Variants in SGTB observed in about 807,000 individuals in gnomAD.
SGTB encodes small glutamine rich tetratricopeptide repeat co-chaperone beta.
A neutral mutation model predicts 43.9 loss-of-function variants in SGTB; 19 were observed. The observed-to-expected ratio is 0.43, with a 90% CI of 0.30 to 0.63. The LOEUF (loss-of-function observed/expected upper bound fraction) is 0.63. Ranked by LOEUF, SGTB falls within the 30% of genes least tolerant of loss-of-function variation. The pLI is 0.12. For synonymous variants in SGTB, 116 were observed against 117.3 expected, an observed-to-expected ratio of 0.99 and a Z score of 0.07; for missense variants, 304 against 358.9, an observed-to-expected ratio of 0.85 and a Z score of 1.24.
chr5:65,722,179 G>T, upstream of SGTB: 1 of 266,062 alleles, frequency 3.8e-6, no homozygotes. Flanking sequence ...GAGCTGGGGC[G>T]GGGCACGGCG....
At chr5:65,700,830 T>A (rs138671974) in intron 5 of SGTB, among the ~76,000 whole-genome samples, 32 of 151,178 alleles carry the variant, frequency 2.1e-4, no homozygotes, top group African/African-American at 7.8e-4. Context: ...CCCAAGATGG[T>A]GAAACCCCAT....
At position 65,676,519 on chromosome 5, in the gene SGTB, C is replaced by T. The variant is rs151034863; in HGVS notation, c.681+3975G>A. ...TTAACACTCTGCTGACAATAGTAGACAGATCATCAAGACAGAAAACTAACA... is the reference window on the plus strand; with the variant it reads ...TTAACACTCTGCTGACAATAGTAGATAGATCATCAAGACAGAAAACTAACA... On this transcript the variant is annotated intron_variant, in intron 8 of 10. Transcript: ENST00000381007. 4.6e-5 allele frequency among the ~76,000 whole-genome samples: 7 copies of T among 152,240 alleles called. No homozygotes were observed. The East Asian group carries it at 1.3e-3, about 29-fold the overall frequency.
chr5:65,671,076 AATT>A (rs1757144990), intron 10 of SGTB, among the ~76,000 whole-genome samples: 2 of 152,210 alleles, frequency 1.3e-5, no homozygotes, highest in African/African-American at 4.8e-5. Context: ...AAATTTCCTG[AATT>A]GCCTGAACAT....
rs1286612496 is a variant in SGTB at position 65,671,964 on chromosome 5, G to A, written c.754C>T (p.Pro252Ser). Residue 252 changes from proline to serine, a missense_variant, in exon 10 of 11, where the codon CCT (proline) becomes TCT (serine). Pro to Ser is a moderately conservative substitution (Grantham distance 74). Transcript: ENST00000381007. ...GTTAGGCCCCCAACTCCAGCAGCAG[G>A]TCCCCCAATGGCATTTGTCATCATT... ...SGMMTNAIGG[P>S]AAGVGGLTDL... The A allele has an allele frequency of 1.2e-6, 2 of 1,613,856 alleles. No homozygotes were observed. Among genetic ancestry groups the A allele is most frequent in the South Asian group, 2.2e-5 (2 of 91,070 alleles).
chr5:65,689,192 C>T (rs1281040947), intron 5 of SGTB, among the ~76,000 whole-genome samples: 1 of 152,210 alleles, frequency 6.6e-6, no homozygotes, highest in East Asian at 1.9e-4. Context: ...AGTCATTCTA[C>T]AGGTACACAT....
At chr5:65,711,097 A>G (rs1367111438) in intron 3 of SGTB, among the ~76,000 whole-genome samples, 1 of 152,038 alleles carries the variant, frequency 6.6e-6, no homozygotes, top group Non-Finnish European at 1.5e-5. Context: ...CCCAGGAGGC[A>G]GAGGCTACAG....
intron 3 of SGTB, among the ~76,000 whole-genome samples, chr5:65,711,710 A>T (rs1758049737): frequency 6.6e-6 from 1 of 152,226 alleles, no homozygotes; most frequent in African/African-American, 2.4e-5. Context: ...CCCAAGTGTA[A>T]TAAAAGGGGA....
intron 10 of SGTB, among the ~76,000 whole-genome samples, 182 bp from the exon 11 acceptor site, chr5:65,670,539 G>A (rs960845415): frequency 6.6e-6 from 1 of 152,094 alleles, no homozygotes; most frequent in Non-Finnish European, 1.5e-5. Flanking sequence ...TTATTACAAT[G>A]CAGTGTTCTT....
At chr5:65,704,041 A>AT (rs1757875574) in intron 5 of SGTB, among the ~76,000 whole-genome samples, 1 of 72,978 alleles carries the variant, frequency 1.4e-5, no homozygotes, top group Non-Finnish European at 3.0e-5. Context: ...GTCTCAAAAA[A>AT]AAAAAAAAAA....
At chr5:65,716,933 C>T (rs1204040990) in intron 2 of SGTB, among the ~76,000 whole-genome samples, 1 of 150,142 alleles carries the variant, frequency 6.7e-6, no homozygotes, top group Non-Finnish European at 1.5e-5. Flanking sequence ...TACACCAGGT[C>T]AGGGAAAAGA....
chr5:65,672,035 T>A, intron 9 of SGTB, 37 bp from the exon 10 acceptor site: 1 of 1,607,934 alleles, frequency 6.2e-7, no homozygotes, highest in Non-Finnish European at 8.5e-7. Context: ...GGGATTGGTA[T>A]ATATTCTTAA....
intron 4 of SGTB, among the ~76,000 whole-genome samples, chr5:65,706,089 G>A (rs887819357): frequency 1.3e-5 from 2 of 151,984 alleles, no homozygotes; most frequent in African/African-American, 4.8e-5. Context: ...ACAACTCTGT[G>A]AATATATGAG....
intron 5 of SGTB, among the ~76,000 whole-genome samples, chr5:65,689,747 GGGA>G (rs1272581014): frequency 6.6e-6 from 1 of 152,114 alleles, no homozygotes; most frequent in Non-Finnish European, 1.5e-5. Flanking sequence ...GGCATGGAGT[GGGA>G]GGAGAAGTCT....
intron 9 of SGTB, 74 bp from the exon 10 acceptor site, chr5:65,672,072 G>A (rs142115572): frequency 3.1e-6 from 5 of 1,589,086 alleles, no homozygotes; most frequent in Non-Finnish European, 4.3e-6. Flanking sequence ...ACGAGGAAAA[G>A]TTAATAAAAT....
intron 4 of SGTB, among the ~76,000 whole-genome samples, chr5:65,706,735 G>T (rs1374071353): frequency 6.6e-6 from 1 of 152,006 alleles, no homozygotes; most frequent in African/African-American, 2.4e-5. Flanking sequence ...GGGAGGCTGA[G>T]GCAGGAAAAT....
At chr5:65,687,810 C>T (rs1353960602) in intron 5 of SGTB, among the ~76,000 whole-genome samples, 2 of 152,260 alleles carry the variant, frequency 1.3e-5, no homozygotes, top group East Asian at 3.9e-4. Context: ...GCTTTGTCGC[C>T]CAGGCTGGAC....
At chr5:65,712,760 AAT>A (rs1758067532) in intron 3 of SGTB, among the ~76,000 whole-genome samples, 199 bp downstream of exon 3, 1 of 152,170 alleles carries the variant, frequency 6.6e-6, no homozygotes, top group African/African-American at 2.4e-5. Flanking sequence ...AGAGGATGAA[AAT>A]AGTTATCAAT....
chr5:65,705,696 TGCTAATAA>T (rs1015520986), intron 4 of SGTB, among the ~76,000 whole-genome samples: 25 of 152,122 alleles, frequency 1.6e-4, no homozygotes, highest in African/African-American at 6.0e-4. Flanking sequence ...AAAGGGTGAC[TGCTAATAA>T]GCACATGGTT....
intron 10 of SGTB, among the ~76,000 whole-genome samples, chr5:65,671,313 A>T (rs2150701339): frequency 6.6e-6 from 1 of 152,214 alleles, no homozygotes; most frequent in Non-Finnish European, 1.5e-5. Context: ...CATACCCTCA[A>T]AGTACCAGGT....
Sources: gnomAD v4.1 joint callset for allele counts (sites outside exome capture counted in the v4.1 genomes callset) on GRCh38, gnomAD v4.1.1 for gene constraint, MANE v1.5 for transcripts, NCBI Gene and HGNC (gene_info 2026-07-23, HGNC 2026-07-21) for gene names.